The following LRP6 variants were observed in gnomAD, a reference collection of about 807,000 sequenced individuals.
LRP6 encodes the protein LDL receptor related protein 6.
In LRP6, 43 loss-of-function variants were observed where a neutral mutation model predicts 184.1. The ratio of observed to expected loss-of-function variants is 0.23; its 90% CI spans 0.18 to 0.30. The LOEUF (loss-of-function observed/expected upper bound fraction) is 0.30, where lower values mean the gene tolerates loss of function less well. Among genes scored for constraint, LRP6 ranks in the 10% least tolerant of loss-of-function variants. The probability of loss-of-function intolerance (pLI) is 1.00; values close to 1 mark genes in which losing one functional copy is unlikely to be tolerated. For missense variants in LRP6, 1,571 were observed against 2,005.3 expected (o/e 0.78, Z 4.14); for synonymous variants, 719 against 684.9 (o/e 1.05, Z -0.78).
chr12:12,138,208 A>C (rs971186502), intron 16 of LRP6, 117 bp downstream of exon 16: 58 of 1,022,968 alleles, frequency 5.7e-5, no homozygotes, highest in Non-Finnish European at 7.7e-5. Flanking sequence ...AAAAAATGGC[A>C]AAACTAAAAG....
At chr12:12,170,626 T>C (rs1457176486) in intron 7 of LRP6, among the ~76,000 whole-genome samples, 1 of 152,118 alleles carries the variant, frequency 6.6e-6, no homozygotes, top group African/African-American at 2.4e-5. Context: ...ATAAAATTAA[T>C]TGGTTCCTTT....
At position 12,119,985 on chromosome 12, in the gene LRP6, AAC is replaced by A. The variant is rs1949573370; in HGVS notation, c.*1139_*1140del. 1.6e-4 allele frequency: 18 copies of A among 115,562 alleles called. No homozygotes were observed. The highest frequency in any genetic ancestry group is 4.8e-4 in the African/African-American group (15 of 31,108). The allele number at this position is 115,562 out of a possible 1,614,324, so 7.2% of individuals were successfully genotyped here. A position where few individuals can be genotyped will look rare whatever the true frequency, so the allele number is the denominator to read the frequency against. On this transcript the variant is annotated 3_prime_UTR_variant, in exon 23 of 23. Transcript: ENST00000261349. ...GTTTTACTCAGAAAACAAACAAACA[AAC>A]AAAATATATATATATATATATATAT...
chr12:12,248,293 A>G (rs996394833), intron 1 of LRP6, among the ~76,000 whole-genome samples: 3 of 152,240 alleles, frequency 2.0e-5, no homozygotes, highest in Non-Finnish European at 2.9e-5. Flanking sequence ...CCTTGCTACC[A>G]TCAGAATAAT....
chr12:12,123,239 A>G (rs1359187146), intron 22 of LRP6, among the ~76,000 whole-genome samples: 1 of 152,240 alleles, frequency 6.6e-6, no homozygotes, highest in African/African-American at 2.4e-5. Context: ...AATTAAGGAC[A>G]TTACTTTTAA....
At chr12:12,146,021 G>C (rs1485682060) in intron 15 of LRP6, among the ~76,000 whole-genome samples, 1 of 151,996 alleles carries the variant, frequency 6.6e-6, no homozygotes, top group African/African-American at 2.4e-5. Flanking sequence ...AACAAAACTA[G>C]ATCTTAAGAA....
intron 4 of LRP6, among the ~76,000 whole-genome samples, chr12:12,185,157 G>C (rs1863438444): frequency 6.6e-6 from 1 of 152,066 alleles, no homozygotes; most frequent in Admixed American, 6.5e-5. Flanking sequence ...AAATTAGCCA[G>C]GTGTGGTGGC....
At chr12:12,249,569 C>T in intron 1 of LRP6, 1 of 444,922 alleles carries the variant, frequency 2.2e-6, no homozygotes, top group Non-Finnish European at 4.0e-6. Context: ...TCTTGTAGAC[C>T]TCAAAGTACT....
At chr12:12,140,864 A>G (rs1949923854) in intron 15 of LRP6, among the ~76,000 whole-genome samples, 1 of 152,292 alleles carries the variant, frequency 6.6e-6, no homozygotes, top group Non-Finnish European at 1.5e-5. Context: ...AGCCTCCAAA[A>G]GTGCTGGGAT....
chr12:12,158,067 C>A (rs1862642908), intron 12 of LRP6, among the ~76,000 whole-genome samples: 2 of 152,172 alleles, frequency 1.3e-5, no homozygotes, highest in South Asian at 2.1e-4. Flanking sequence ...ATGTTCATTG[C>A]ATGTTCTCTT....
rs530336407 is a variant in LRP6, at chr12:12,244,184, G to A, written c.449+78C>T. On this transcript the variant is annotated intron_variant, in intron 2 of 22. Coordinates refer to ENST00000261349, the MANE Select transcript of LRP6 (RefSeq NM_002336.3). ...TGTTTTCGATCTTTCTTTTCTCATAGGGGTCAGGGTGGTGTATGTCAGTGG... is the reference window on the plus strand; with the variant it reads ...TGTTTTCGATCTTTCTTTTCTCATAAGGGTCAGGGTGGTGTATGTCAGTGG... The A allele has an allele frequency of 1.5e-5, 21 of 1,391,626 alleles. No homozygotes were observed. In the East Asian group the frequency reaches 4.6e-4, roughly 30 times the overall value. The allele number at this position is 1,391,626 out of a possible 1,614,324, so 86.2% of individuals were successfully genotyped here.
chr12:12,258,928 G>A (rs1446410791), intron 1 of LRP6, among the ~76,000 whole-genome samples: 1 of 152,100 alleles, frequency 6.6e-6, no homozygotes, highest in Non-Finnish European at 1.5e-5. Context: ...ATTTGATAAA[G>A]GTAGGTTTCC....
chr12:12,138,613 G>T, intron 15 of LRP6, 79 bp from the exon 16 acceptor site: 1 of 1,338,678 alleles, frequency 7.5e-7, no homozygotes, highest in South Asian at 1.2e-5. Context: ...CTGACTACCA[G>T]TTAGATTCTA....
At chr12:12,180,531 A>G (rs1016530363) in intron 6 of LRP6, among the ~76,000 whole-genome samples, 4 of 152,250 alleles carry the variant, frequency 2.6e-5, no homozygotes, top group Non-Finnish European at 4.4e-5. Flanking sequence ...GAGTATGTAA[A>G]AAGTTGTACT....
In LRP6 at chr12:12,147,389, C is replaced by T. The variant is rs773594790; in HGVS notation, c.3374G>A (p.Arg1125Gln). Reference sequence around the variant, plus strand: ...ACCTGAGAGATCACTGCTTTCAATTCGCCGGAGATCTGAATCAGCCCAAAA... The same window carrying T: ...ACCTGAGAGATCACTGCTTTCAATTTGCCGGAGATCTGAATCAGCCCAAAA... Reference protein sequence around the residue: ...KLFWADSDLRRIESSDLSGAN... With the variant: ...KLFWADSDLRQIESSDLSGAN... The change falls in exon 15 of 23, where the codon CGA becomes CAA. Residue 1125 changes from arginine (R) to glutamine (Q), a missense_variant. Arg to Gln is a conservative substitution (Grantham distance 43, BLOSUM62 1). Around this residue, in one of 4 missense-constraint regions of LRP6, gnomAD observed 763 missense variants for 859.5 expected, o/e 0.89. Transcript: ENST00000261349. 9.9e-6 allele frequency: 16 copies of T among 1,613,980 alleles called. No homozygotes were observed. Among genetic ancestry groups the T allele is most frequent in the Admixed American group, 3.3e-5 (2 of 59,996 alleles).
At position 12,120,850 on chromosome 12, in the gene LRP6, T is replaced by C. The variant is rs1949594972; in HGVS notation, c.*276A>G. ...TTGCTTCACTGGGTTTAAGGCATGC[T>C]TTGTGTATTTAGTTTGCAAAAATAA... On this transcript the variant is annotated 3_prime_UTR_variant, in exon 23 of 23. Coordinates refer to ENST00000261349, the MANE Select transcript of LRP6 (RefSeq NM_002336.3). 7.2e-6 allele frequency: 2 copies of C among 276,282 alleles called. No homozygotes were observed. Among genetic ancestry groups the C allele is most frequent in the South Asian group, 1.0e-4 (1 of 9,652 alleles). The allele number at this position is 276,282 out of a possible 1,614,324, so 17.1% of individuals were successfully genotyped here.
chr12:12,145,336 T>A (rs952235650), intron 15 of LRP6, among the ~76,000 whole-genome samples: 1 of 150,648 alleles, frequency 6.6e-6, no homozygotes, highest in African/African-American at 2.4e-5. Flanking sequence ...TTAAAAAAAA[T>A]GTGAAAAAAA....
chr12:12,183,877 G>C, intron 5 of LRP6, 103 bp downstream of exon 5: 3 of 1,003,942 alleles, frequency 3.0e-6, no homozygotes, highest in Non-Finnish European at 4.7e-6. Context: ...TAAGTGACTG[G>C]TCTCCCAAAG....
chr12:12,173,435 CA>C (rs1204896051), intron 7 of LRP6, among the ~76,000 whole-genome samples: 1 of 152,166 alleles, frequency 6.6e-6, no homozygotes, highest in Non-Finnish European at 1.5e-5. Flanking sequence ...CTCTGCCTCC[CA>C]GACTCAGGTG....
At chr12:12,239,275 C>T (rs1865000829) in intron 2 of LRP6, among the ~76,000 whole-genome samples, 1 of 152,166 alleles carries the variant, frequency 6.6e-6, no homozygotes. Context: ...AAATAATTGG[C>T]TATCTGCTTC....
Sources: allele counts gnomAD v4.1 joint callset (sites outside exome capture counted in the v4.1 genomes callset), GRCh38; gene constraint gnomAD v4.1.1; regional missense constraint gnomAD v4.1.1; transcripts MANE v1.5; gene names NCBI Gene and HGNC (gene_info 2026-07-23, HGNC 2026-07-21).